The following OSBPL10 variants were observed in gnomAD, a reference collection of about 807,000 sequenced individuals.
OSBPL10 encodes the protein oxysterol-binding protein-related protein 10.
A neutral mutation model predicts 81.7 loss-of-function variants in OSBPL10; 49 were observed. The observed-to-expected ratio is 0.60, with a 90% CI of 0.48 to 0.76. The LOEUF (loss-of-function observed/expected upper bound fraction) is 0.76, where lower values mean the gene tolerates loss of function less well. OSBPL10 is among the 30% of genes least tolerant of loss of function. OSBPL10 has a pLI of 0.00. For missense variants in OSBPL10, 923 were observed against 987.8 expected, an observed-to-expected ratio of 0.93 and a Z score of 0.88; for synonymous variants, 419 against 383.6, an observed-to-expected ratio of 1.09 and a Z score of -1.08.
chr3:31,903,744 G>A (rs1261203563), intron 1 of OSBPL10, among the ~76,000 whole-genome samples: 1 of 152,120 alleles, frequency 6.6e-6, no homozygotes, highest in Non-Finnish European at 1.5e-5. Context: ...CCAGAGCTGT[G>A]TTCCTAACTA....
intron 4 of OSBPL10, among the ~76,000 whole-genome samples, chr3:31,823,747 A>G (rs1262252927): frequency 6.6e-6 from 1 of 152,250 alleles, no homozygotes; most frequent in East Asian, 1.9e-4. Flanking sequence ...TTTGGAATCT[A>G]GAGTGCGTGT....
chr3:31,927,848 G>A (rs1697120047), intron 1 of OSBPL10, among the ~76,000 whole-genome samples: 1 of 152,188 alleles, frequency 6.6e-6, no homozygotes. Context: ...CACAGAGTCT[G>A]TAGCCCGTGA....
intron 1 of OSBPL10, among the ~76,000 whole-genome samples, chr3:31,956,744 G>A (rs1415976322): frequency 6.6e-6 from 1 of 151,264 alleles, no homozygotes; most frequent in East Asian, 2.0e-4. Flanking sequence ...AAAAAAGGGG[G>A]CCTTTCATGG....
At chr3:31,794,631 G>A (rs1312856103) in intron 4 of OSBPL10, 5 of 337,280 alleles carry the variant, frequency 1.5e-5, no homozygotes, top group African/African-American at 6.7e-5. Context: ...TATCTTCCCT[G>A]GGTTGTTGGT....
intron 2 of OSBPL10, among the ~76,000 whole-genome samples, chr3:31,994,922 C>A (rs62244402): frequency 0.041 from 6,299 of 152,240 alleles, 177 homozygotes; most frequent in East Asian, 0.069. Flanking sequence ...TACAGCTGGG[C>A]TGCCAGGGGT....
chr3:32,004,976 C>A (rs1457318125), intron 2 of OSBPL10, among the ~76,000 whole-genome samples: 1 of 152,176 alleles, frequency 6.6e-6, no homozygotes, highest in Non-Finnish European at 1.5e-5. Flanking sequence ...TAATAAGTAT[C>A]CTTGGATAGG....
chr3:31,682,084 G>C (rs1323805050), intron 8 of OSBPL10, among the ~76,000 whole-genome samples: 1 of 152,076 alleles, frequency 6.6e-6, no homozygotes, highest in African/African-American at 2.4e-5. Context: ...TCTAACTTTA[G>C]AACCTATCCA....
In OSBPL10 at chr3:31,727,900, G is replaced by A. The variant is rs1291113279; in HGVS notation, c.1095+5357C>T. Among the ~76,000 whole-genome samples the A allele has an allele frequency of 3.3e-5, 5 of 152,184 alleles. No homozygotes were observed. In the East Asian group the frequency reaches 9.6e-4, roughly 29 times the overall value. ...TGGCCAGGCTTCAAGCTGAACATCAGAGGATTTCAGATGGACAGCTTTATG... is the reference window on the plus strand; with the variant it reads ...TGGCCAGGCTTCAAGCTGAACATCAAAGGATTTCAGATGGACAGCTTTATG... On this transcript the variant is annotated intron_variant, in intron 6 of 11. Transcript: ENST00000396556.
chr3:31,961,580 G>A (rs1698163185), intron 1 of OSBPL10, among the ~76,000 whole-genome samples: 1 of 151,946 alleles, frequency 6.6e-6, no homozygotes, highest in Non-Finnish European at 1.5e-5. Flanking sequence ...CTAATTATTG[G>A]TGTCTTTTGA....
At position 31,944,833 on chromosome 3, in the gene OSBPL10, TAAAAAAAA is replaced by T. The variant is rs869140991; in HGVS notation, c.281+36058_281+36065del. On this transcript the variant is annotated intron_variant, in intron 1 of 11. Coordinates refer to ENST00000396556, the MANE Select transcript of OSBPL10 (RefSeq NM_017784.5). ...GCAACAGAGCAAGACCCCCTCTCTT[TAAAAAAAA>T]AAAAAAAAAAAAAAAAAAAAAAAAA... is the stretch of plus-strand genomic sequence containing the variant. Among the ~76,000 whole-genome samples the T allele has an allele frequency of 4.5e-3, 249 of 55,054 alleles. 1 individual carries two copies. The highest frequency in any genetic ancestry group is 8.1e-3 in the Non-Finnish European group (201 of 24,742). 36.1% of individuals were successfully genotyped at this position (55,054 alleles called of 152,430 possible).
At chr3:31,985,169 G>A (rs1427697241), upstream of OSBPL10, among the ~76,000 whole-genome samples, 3 of 152,168 alleles carry the variant, frequency 2.0e-5, no homozygotes. Flanking sequence ...AACCCAGAAG[G>A]CAGAGGTTGC....
chr3:31,849,857 G>A (rs1210560971), intron 3 of OSBPL10, among the ~76,000 whole-genome samples: 2 of 152,054 alleles, frequency 1.3e-5, no homozygotes, highest in African/African-American at 2.4e-5. Context: ...GGGCAACATA[G>A]TGAGTCTCCT....
At chr3:31,989,253 G>A (rs1293683562) in intron 2 of OSBPL10, 3 of 1,614,042 alleles carry the variant, frequency 1.9e-6, no homozygotes, top group East Asian at 4.5e-5. Flanking sequence ...AGAACTACAG[G>A]AACCTGCATT....
rs13064719 is a variant in OSBPL10 at position 32,048,456 on chromosome 3, C to T, written n.186-1853G>A. On this transcript the variant is annotated intron_variant and non_coding_transcript_variant, in intron 1 of 3. Transcript: ENST00000479173. ...CCAAATAGCTGCGATTACAGGCATA[C>T]GCCACCATGCCCGGCTAATTTTGTA... Among the ~76,000 whole-genome samples the T allele has an allele frequency of 3.1e-3, 478 of 152,080 alleles. 1 individual carries two copies. The highest frequency in any genetic ancestry group is 5.0e-3 in the Non-Finnish European group (342 of 67,996).
At chr3:31,750,689 C>T (rs1233808892) in intron 4 of OSBPL10, among the ~76,000 whole-genome samples, 2 of 151,918 alleles carry the variant, frequency 1.3e-5, no homozygotes, top group African/African-American at 2.4e-5. Flanking sequence ...TAGAAAAATG[C>T]ACTGAAAAGA....
At chr3:32,044,741 C>CAAAAAAAAAAAAAAAAAAAAAAAAAAA (rs34855965) in intron 2 of OSBPL10, among the ~76,000 whole-genome samples, 3 of 67,070 alleles carry the variant, frequency 4.5e-5, no homozygotes, top group Admixed American at 2.1e-4. Flanking sequence ...AACTCCATCT[C>CAAAAAAAAAAAAAAAAAAAAAAAAAAA]AAAAAAAAAA....
At chr3:31,827,291 A>C (rs1465446769) in intron 4 of OSBPL10, among the ~76,000 whole-genome samples, 1 of 151,866 alleles carries the variant, frequency 6.6e-6, no homozygotes, top group Non-Finnish European at 1.5e-5. Flanking sequence ...AACAGAGAAA[A>C]AACAATACGA....
At chr3:31,824,725 G>T (rs750840311) in intron 4 of OSBPL10, among the ~76,000 whole-genome samples, 1 of 152,048 alleles carries the variant, frequency 6.6e-6, no homozygotes, top group Non-Finnish European at 1.5e-5. Context: ...GCTTTCTCTT[G>T]CTTTGGAAGT....
At chr3:31,662,899 G>C (rs1025538704) in intron 11 of OSBPL10, 1 of 985,426 alleles carries the variant, frequency 1.0e-6, no homozygotes, top group Non-Finnish European at 1.2e-6. Context: ...ACCTCACCTG[G>C]GCAGGGCTCC....
Sources: allele counts gnomAD v4.1 joint callset (sites outside exome capture counted in the v4.1 genomes callset), GRCh38; gene constraint gnomAD v4.1.1; transcripts MANE v1.5; gene names NCBI Gene and HGNC (gene_info 2026-07-23, HGNC 2026-07-21).